CNIH3: variants seen among roughly 807,000 people sequenced by gnomAD.
CNIH3 encodes cornichon family AMPA receptor auxiliary protein 3.
CNIH3 carries 14 observed loss-of-function variants against 24.1 expected under a neutral mutation model. The ratio of observed to expected loss-of-function variants is 0.58; its 90% CI spans 0.38 to 0.91. The LOEUF is 0.91. Ranked by LOEUF, CNIH3 falls within the 40% of genes least tolerant of loss-of-function variation. The probability of loss-of-function intolerance (pLI) is 0.00; values close to 1 mark genes in which losing one functional copy is unlikely to be tolerated. For synonymous variants in CNIH3, 68 were observed against 73.8 expected (o/e 0.92, Z 0.40); for missense variants, 178 against 196.8 (o/e 0.90, Z 0.57).
upstream of CNIH3, among the ~76,000 whole-genome samples, chr1:224,514,104 C>T (rs1308664872): frequency 6.6e-6 from 1 of 152,232 alleles, no homozygotes; most frequent in African/African-American, 2.4e-5. Context: ...TCATCTCCAA[C>T]AGCAGCAGAA....
chr1:224,734,483 G>T, intron 4 of CNIH3, 80 bp from the exon 5 acceptor site: 1 of 1,437,746 alleles, frequency 7.0e-7, no homozygotes, highest in South Asian at 1.2e-5. Flanking sequence ...CTCGACAGAA[G>T]CCCTGCATCG....
intron 1 of CNIH3, among the ~76,000 whole-genome samples, chr1:224,503,244 G>A (rs1406543791): frequency 6.6e-6 from 1 of 152,124 alleles, no homozygotes; most frequent in Non-Finnish European, 1.5e-5. Context: ...TATCAGCTAG[G>A]GAGAGCCTGA....
intron 4 of CNIH3, among the ~76,000 whole-genome samples, chr1:224,577,596 C>T (rs912349115): frequency 1.3e-5 from 2 of 151,978 alleles, no homozygotes; most frequent in Non-Finnish European, 2.9e-5. Context: ...AAGGAGAACA[C>T]TTTTATACTG....
chr1:224,606,331 GA>G (rs1558203895), intron 3 of CNIH3, among the ~76,000 whole-genome samples: 1 of 152,124 alleles, frequency 6.6e-6, no homozygotes, highest in African/African-American at 2.4e-5. Flanking sequence ...GAAGGGTGGC[GA>G]ATGTGGAGGA....
chr1:224,467,012 T>C (rs1230521401), intron 1 of CNIH3, among the ~76,000 whole-genome samples: 1 of 152,196 alleles, frequency 6.6e-6, no homozygotes, highest in Admixed American at 6.5e-5. Context: ...AAATATTTTC[T>C]CCCAGTCTGT....
chr1:224,592,638 G>A (rs1206398964), downstream of CNIH3, among the ~76,000 whole-genome samples: 1 of 152,140 alleles, frequency 6.6e-6, no homozygotes, highest in African/African-American at 2.4e-5. Flanking sequence ...GAAAAAAATG[G>A]CATCACAGAG....
At chr1:224,470,270 G>A (rs573784092) in intron 1 of CNIH3, among the ~76,000 whole-genome samples, 6 of 151,236 alleles carry the variant, frequency 4.0e-5, no homozygotes, top group Admixed American at 1.3e-4. Flanking sequence ...TACCTGCCTC[G>A]GCCTCCCGAA....
intron 3 of CNIH3, among the ~76,000 whole-genome samples, chr1:224,726,534 C>G (rs1206717695): frequency 6.6e-6 from 1 of 152,168 alleles, no homozygotes; most frequent in Non-Finnish European, 1.5e-5. Context: ...AATAGGGGCC[C>G]TTTGAGGTGG....
At chr1:224,567,899 G>C (rs931666709) in intron 4 of CNIH3, among the ~76,000 whole-genome samples, 2 of 152,172 alleles carry the variant, frequency 1.3e-5, no homozygotes, top group Non-Finnish European at 2.9e-5. Flanking sequence ...CTTTGACTCT[G>C]AACAGACCTA....
intron 3 of CNIH3, among the ~76,000 whole-genome samples, chr1:224,558,060 G>A (rs1276327788): frequency 2.0e-5 from 3 of 152,208 alleles, no homozygotes; most frequent in Non-Finnish European, 4.4e-5. Flanking sequence ...AGAAATATGT[G>A]GGTAAACCAT....
At chr1:224,443,236 A>T (rs1674994699) in intron 1 of CNIH3, among the ~76,000 whole-genome samples, 1 of 152,224 alleles carries the variant, frequency 6.6e-6, no homozygotes, top group Non-Finnish European at 1.5e-5. Flanking sequence ...CTGTGAACTG[A>T]GAAGGCTTCC....
intron 3 of CNIH3, among the ~76,000 whole-genome samples, chr1:224,560,451 C>A (rs551852093): frequency 1.3e-5 from 2 of 152,252 alleles, no homozygotes; most frequent in South Asian, 4.1e-4. Flanking sequence ...AGGAACCGGG[C>A]CCCACAGCAG....
chr1:224,560,328 T>C (rs1194900310), intron 3 of CNIH3, among the ~76,000 whole-genome samples: 1 of 152,214 alleles, frequency 6.6e-6, no homozygotes, highest in East Asian at 1.9e-4. Context: ...GGAATCATTT[T>C]ACACACTCTT....
chr1:224,523,315 G>A (rs577282536), intron 2 of CNIH3, among the ~76,000 whole-genome samples: 39 of 152,228 alleles, frequency 2.6e-4, no homozygotes, highest in African/African-American at 9.4e-4. Flanking sequence ...ATCAACAGCA[G>A]AGTGGGTAAA....
chr1:224,622,424 T>C (rs112536063), intron 1 of CNIH3, among the ~76,000 whole-genome samples: 1,895 of 152,340 alleles, frequency 0.012, 42 homozygotes, highest in African/African-American at 0.043. Flanking sequence ...TCTGGATTGA[T>C]GCATGGCACC....
chr1:224,457,511 ATTTTTTTTTT>A (rs943521801), intron 1 of CNIH3, among the ~76,000 whole-genome samples: 1 of 111,218 alleles, frequency 9.0e-6, no homozygotes, highest in African/African-American at 3.6e-5. Context: ...TGGTCTGGGG[ATTTTTTTTTT>A]TTTTTTTTTT....
At chr1:224,654,844 A>G (rs1428201488) in intron 1 of CNIH3, among the ~76,000 whole-genome samples, 1 of 152,190 alleles carries the variant, frequency 6.6e-6, no homozygotes. Flanking sequence ...TCCAATCCCT[A>G]TGGTGTAGAA....
chr1:224,628,504 T>C (rs545485883), intron 1 of CNIH3, among the ~76,000 whole-genome samples: 1 of 152,236 alleles, frequency 6.6e-6, no homozygotes, highest in East Asian at 2.0e-4. Context: ...GATCTACTTC[T>C]AGACACCACA....
At chr1:224,676,978 C>CTGTA (rs1686170398) in intron 1 of CNIH3, among the ~76,000 whole-genome samples, 5 of 152,200 alleles carry the variant, frequency 3.3e-5, no homozygotes, top group Admixed American at 3.3e-4. Flanking sequence ...TTACTTTTCT[C>CTGTA]TGTATGTACT....
Sources: allele counts gnomAD v4.1 joint callset (sites outside exome capture counted in the v4.1 genomes callset), GRCh38; gene constraint gnomAD v4.1.1; transcripts MANE v1.5; gene names NCBI Gene and HGNC (gene_info 2026-07-23, HGNC 2026-07-21).